TMEM266: variants seen among roughly 807,000 people sequenced by gnomAD.
TMEM266 encodes Hv1 related protein 1.
TMEM266 carries 33 observed loss-of-function variants against 50.5 expected under a neutral mutation model. The observed-to-expected ratio is 0.65, with a 90% CI of 0.50 to 0.87. The LOEUF (loss-of-function observed/expected upper bound fraction) is 0.87, where lower values mean the gene tolerates loss of function less well. Ranked by LOEUF, TMEM266 falls within the 40% of genes least tolerant of loss-of-function variation. The pLI, the probability that TMEM266 is intolerant of heterozygous loss-of-function variation, is 0.00. For missense variants in TMEM266, 655 were observed against 695.1 expected (o/e 0.94, Z 0.65); for synonymous variants, 310 against 292.3 (o/e 1.06, Z -0.62).
intron 1 of TMEM266, among the ~76,000 whole-genome samples, chr15:76,090,450 C>A (rs1295246438): frequency 6.9e-6 from 1 of 145,222 alleles, no homozygotes; most frequent in Non-Finnish European, 1.5e-5. Context: ...CAAGATCACA[C>A]CACTGCACTC....
chr15:76,112,565 C>T (rs2037185790), intron 1 of TMEM266: 2 of 152,334 alleles, frequency 1.3e-5, no homozygotes, highest in African/African-American at 4.8e-5. Context: ...TGACCTTGCA[C>T]ATCTGCTGCA....
At chr15:76,088,495 A>G (rs2036804210) in intron 1 of TMEM266, among the ~76,000 whole-genome samples, 1 of 152,154 alleles carries the variant, frequency 6.6e-6, no homozygotes, top group African/African-American at 2.4e-5. Flanking sequence ...TCTATTGAAA[A>G]GAAAAAAAGA....
intron 3 of TMEM266, among the ~76,000 whole-genome samples, chr15:76,152,975 A>G (rs1014726895): frequency 6.6e-5 from 10 of 152,140 alleles, no homozygotes; most frequent in Non-Finnish European, 1.0e-4. Context: ...GAATCCTGCC[A>G]TCTGCCCAGT....
intron 6 of TMEM266, among the ~76,000 whole-genome samples, chr15:76,170,213 C>T (rs182971657): frequency 2.6e-4 from 39 of 152,346 alleles, no homozygotes; most frequent in African/African-American, 8.9e-4. Context: ...AAACTGTCAA[C>T]GTGCTTCTCA....
Position 76,204,108 on chromosome 15 carries a change from C to T in TMEM266, c.1389C>T (p.Leu463=), listed in dbSNP as rs370146123. ...AGAAGGCCTTGGACCCAGCCCCCCT[C>T]GCCCGGCCCAGCCCAGCGGGCTCGG... Residue 463 remains leucine (L), a synonymous_variant, in exon 11 of 11, where the codon CTC becomes CTT. Coordinates refer to ENST00000388942, the MANE Select transcript of TMEM266 (RefSeq NM_152335.3). 446 of 1,612,816 alleles carry T rather than the reference C, an allele frequency of 2.8e-4. 1 individual carries two copies. The highest frequency in any genetic ancestry group is 3.6e-4 in the Non-Finnish European group (424 of 1,179,656).
intron 1 of TMEM266, among the ~76,000 whole-genome samples, chr15:76,116,820 A>C (rs2037253798): frequency 6.6e-6 from 1 of 152,204 alleles, no homozygotes; most frequent in Admixed American, 6.5e-5. Context: ...GTTAATGAAA[A>C]TAGCACATCC....
At chr15:76,137,055 G>C (rs2037601368) in intron 2 of TMEM266, among the ~76,000 whole-genome samples, 1 of 152,064 alleles carries the variant, frequency 6.6e-6, no homozygotes, top group South Asian at 2.1e-4. Flanking sequence ...CTCAGACATT[G>C]GATCAAGTGA....
At chr15:76,099,856 A>G (rs1596103733) in intron 1 of TMEM266, among the ~76,000 whole-genome samples, 3 of 152,190 alleles carry the variant, frequency 2.0e-5, no homozygotes, top group Non-Finnish European at 2.9e-5. Flanking sequence ...GAAACTTACA[A>G]TCATGGTGGA....
chr15:76,171,349 C>G (rs930866581), intron 7 of TMEM266, among the ~76,000 whole-genome samples: 2 of 152,228 alleles, frequency 1.3e-5, no homozygotes, highest in African/African-American at 4.8e-5. Flanking sequence ...CTTCCCACTT[C>G]CCATTTAGGG....
chr15:76,123,421 G>C lies in TMEM266; in HGVS notation c.-96-10747G>C, dbSNP rs368908079. On this transcript the variant is annotated intron_variant, in intron 1 of 10. Coordinates refer to ENST00000388942, the MANE Select transcript of TMEM266 (RefSeq NM_152335.3). ...CCCCTAGGAGCAGATTCTAAAGCAG[G>C]CTTTATGATGTTAGAACTGAACCTC... Among the ~76,000 whole-genome samples, 5 of 152,152 alleles carry C rather than the reference G, an allele frequency of 3.3e-5. No homozygotes were observed. The East Asian group carries it at 5.8e-4, about 18-fold the overall frequency.
chr15:76,157,220 T>C (rs2037941243), intron 4 of TMEM266, among the ~76,000 whole-genome samples: 1 of 152,206 alleles, frequency 6.6e-6, no homozygotes, highest in Non-Finnish European at 1.5e-5. Flanking sequence ...AGCTGTGAGT[T>C]GGCAGTGTGA....
intron 1 of TMEM266, among the ~76,000 whole-genome samples, chr15:76,063,371 A>G (rs62027653): frequency 0.035 from 5,275 of 152,296 alleles, 118 homozygotes; most frequent in Middle Eastern, 0.058. Context: ...TGACTGCAAG[A>G]TGAAGCACTT....
At chr15:76,078,650 T>G (rs1025352747) in intron 1 of TMEM266, among the ~76,000 whole-genome samples, 2 of 152,176 alleles carry the variant, frequency 1.3e-5, no homozygotes, top group Non-Finnish European at 2.9e-5. Context: ...ATGTGTTTAT[T>G]CAGCAGTTTT....
intron 2 of TMEM266, among the ~76,000 whole-genome samples, chr15:76,135,222 G>T (rs552296944): frequency 1.3e-5 from 2 of 152,212 alleles, no homozygotes; most frequent in African/African-American, 4.8e-5. Context: ...GAGAGGTAAA[G>T]AATAGAACCA....
At chr15:76,157,645 G>C (rs1015986981) in intron 4 of TMEM266, among the ~76,000 whole-genome samples, 3 of 152,158 alleles carry the variant, frequency 2.0e-5, no homozygotes, top group African/African-American at 7.2e-5. Context: ...ACAGTTCCTG[G>C]TTCCCTGTAT....
intron 1 of TMEM266, among the ~76,000 whole-genome samples, chr15:76,074,583 A>T (rs1416456264): frequency 6.6e-6 from 1 of 152,062 alleles, no homozygotes; most frequent in African/African-American, 2.4e-5. Flanking sequence ...GAATGTCGAG[A>T]TTAAGGGGAT....
intron 1 of TMEM266, among the ~76,000 whole-genome samples, chr15:76,073,749 C>T (rs1049504582): frequency 6.6e-6 from 1 of 152,132 alleles, no homozygotes; most frequent in African/African-American, 2.4e-5. Flanking sequence ...CAAAAGACAC[C>T]ACACTATCAA....
chr15:76,152,677 C>T (rs973486420), intron 3 of TMEM266, among the ~76,000 whole-genome samples: 1 of 152,172 alleles, frequency 6.6e-6, no homozygotes, highest in Admixed American at 6.5e-5. Flanking sequence ...TCACCCCCAT[C>T]AGCTTTCTCA....
intron 8 of TMEM266, among the ~76,000 whole-genome samples, chr15:76,177,166 C>T (rs762308563): frequency 3.3e-5 from 5 of 152,240 alleles, no homozygotes; most frequent in Non-Finnish European, 7.3e-5. Flanking sequence ...CACTCACTGC[C>T]ATGGTCAGTG....
Sources: gnomAD v4.1 joint callset for allele counts (sites outside exome capture counted in the v4.1 genomes callset) on GRCh38, gnomAD v4.1.1 for gene constraint, MANE v1.5 for transcripts, NCBI Gene and HGNC (gene_info 2026-07-23, HGNC 2026-07-21) for gene names.